Variants in FAR2 observed in about 807,000 individuals in gnomAD.
The protein encoded by FAR2 is epididymis secretory protein Li 81.
In FAR2, 19 loss-of-function variants were observed where a neutral mutation model predicts 56.0. That is an observed-to-expected ratio of 0.34 (90% CI 0.24 to 0.50). The LOEUF (loss-of-function observed/expected upper bound fraction) is 0.50. Among genes scored for constraint, FAR2 ranks in the 20% least tolerant of loss-of-function variants. The pLI is 0.98. For synonymous variants in FAR2, 219 were observed against 218.8 expected, an observed-to-expected ratio of 1.00 and a Z score of -0.01; for missense variants, 508 against 642.2, an observed-to-expected ratio of 0.79 and a Z score of 2.26.
At chr12:29,247,238 T>C (rs1948143030) in intron 1 of FAR2, among the ~76,000 whole-genome samples, 1 of 152,172 alleles carries the variant, frequency 6.6e-6, no homozygotes, top group South Asian at 2.1e-4. Flanking sequence ...AAATAATTAC[T>C]TGATATGTGG....
intron 10 of FAR2, among the ~76,000 whole-genome samples, chr12:29,326,639 C>T (rs1013416563): frequency 6.6e-6 from 1 of 152,144 alleles, no homozygotes; most frequent in African/African-American, 2.4e-5. Context: ...TAAACTGAAC[C>T]AAAGACATAA....
At chr12:29,200,208 C>T (rs1947389000) in intron 1 of FAR2, among the ~76,000 whole-genome samples, 1 of 152,086 alleles carries the variant, frequency 6.6e-6, no homozygotes, top group South Asian at 2.1e-4. Flanking sequence ...GCCAGAAAGT[C>T]ATTATAATGA....
intron 3 of FAR2, 78 bp downstream of exon 3, chr12:29,293,553 AG>A: frequency 7.8e-7 from 1 of 1,277,632 alleles, no homozygotes; most frequent in Non-Finnish European, 1.0e-6. Flanking sequence ...GTAAAAAAAA[AG>A]AAATACACTC....
chr12:29,325,959 A>C (rs559058524), intron 10 of FAR2, among the ~76,000 whole-genome samples: 5 of 152,344 alleles, frequency 3.3e-5, no homozygotes, highest in African/African-American at 1.2e-4. Context: ...CAGTGAATCC[A>C]GGAGCTGGTT....
chr12:29,244,800 C>T (rs942668495), intron 1 of FAR2, among the ~76,000 whole-genome samples: 1 of 152,160 alleles, frequency 6.6e-6, no homozygotes, highest in Non-Finnish European at 1.5e-5. Context: ...GGCTATACAA[C>T]AATGACTAAA....
At position 29,270,500 on chromosome 12, in the gene FAR2, G is replaced by T. The variant is rs1398616854; in HGVS notation, c.51G>T (p.Gly17=). ...GCGGCAAGTCCATTCTCATCACGGGGGCCACAGGCTTTCTGGGCAAAGTGC... is the reference window on the plus strand; with the variant it reads ...GCGGCAAGTCCATTCTCATCACGGGTGCCACAGGCTTTCTGGGCAAAGTGC... ...FYGGKSILIT[G]ATGFLGKVLM... Residue 17 remains glycine, a synonymous_variant, in exon 2 of 12, where the codon GGG becomes GGT. Transcript: ENST00000536681. 6.2e-7 allele frequency: 1 copy of T among 1,611,828 alleles called. No homozygotes were observed. The highest frequency in any genetic ancestry group is 2.2e-5 in the East Asian group (1 of 44,800).
intron 1 of FAR2, among the ~76,000 whole-genome samples, chr12:29,166,811 G>A (rs1310921910): frequency 6.6e-6 from 1 of 152,072 alleles, no homozygotes; most frequent in Non-Finnish European, 1.5e-5. Context: ...TTTACTTCCA[G>A]CTCTCTTAGT....
At chr12:29,186,564 C>T (rs1340850177) in intron 1 of FAR2, among the ~76,000 whole-genome samples, 1 of 152,088 alleles carries the variant, frequency 6.6e-6, no homozygotes, top group African/African-American at 2.4e-5. Context: ...GGATGAGTCA[C>T]TTGAGTATTT....
intron 1 of FAR2, among the ~76,000 whole-genome samples, chr12:29,238,837 A>G (rs772010408): frequency 2.0e-5 from 3 of 152,200 alleles, no homozygotes; most frequent in Non-Finnish European, 4.4e-5. Flanking sequence ...TTAGTTTTCT[A>G]TTGTTTTATA....
At chr12:29,163,559 A>G (rs886368601) in intron 1 of FAR2, among the ~76,000 whole-genome samples, 6 of 152,136 alleles carry the variant, frequency 3.9e-5, no homozygotes, top group African/African-American at 7.2e-5. Context: ...GTTCCTTTCC[A>G]CTCTCATGTC....
At chr12:29,331,210 CTT>C (rs34349053) in intron 10 of FAR2, among the ~76,000 whole-genome samples, 56 of 142,050 alleles carry the variant, frequency 3.9e-4, no homozygotes, top group South Asian at 4.5e-4. Flanking sequence ...TAAAGATAGG[CTT>C]TTTTTTTTTT....
At chr12:29,266,320 T>C (rs1456752645) in intron 1 of FAR2, among the ~76,000 whole-genome samples, 1 of 152,182 alleles carries the variant, frequency 6.6e-6, no homozygotes, top group Non-Finnish European at 1.5e-5. Flanking sequence ...TGGAGTACTA[T>C]TCAGCCATAA....
chr12:29,334,896 A>C lies in FAR2; in HGVS notation c.*1102A>C, dbSNP rs929187786. 1 of 152,176 alleles carries C rather than the reference A, an allele frequency of 6.6e-6. No individual in the cohort carries two copies. Among genetic ancestry groups the C allele is most frequent in the African/African-American group, 2.4e-5 (1 of 41,454 alleles). 9.4% of individuals were successfully genotyped at this position (152,176 alleles called of 1,614,324 possible). Reference sequence around the variant, plus strand: ...AGAAAATAGGTTTTGTTTTCTTAAAAAATTTTGTGTATAATACAAACTAAT... The same window carrying C: ...AGAAAATAGGTTTTGTTTTCTTAAACAATTTTGTGTATAATACAAACTAAT... On this transcript the variant is annotated 3_prime_UTR_variant, in exon 12 of 12. Transcript: ENST00000536681.
intron 1 of FAR2, among the ~76,000 whole-genome samples, chr12:29,202,408 T>A (rs1947427468): frequency 6.6e-6 from 1 of 152,246 alleles, no homozygotes; most frequent in Non-Finnish European, 1.5e-5. Flanking sequence ...GGACATTTAT[T>A]TAACAGATCA....
intron 1 of FAR2, among the ~76,000 whole-genome samples, chr12:29,152,574 T>G (rs1221308582): frequency 5.3e-5 from 8 of 152,376 alleles, no homozygotes; most frequent in Admixed American, 3.3e-4. Context: ...TAAGGTCTTC[T>G]AATGGCACTA....
chr12:29,271,823 C>T (rs114267006), intron 2 of FAR2, among the ~76,000 whole-genome samples: 2 of 152,084 alleles, frequency 1.3e-5, no homozygotes, highest in African/African-American at 4.8e-5. Flanking sequence ...TTTGCAATAA[C>T]CCTGTGAAGT....
At chr12:29,274,202 C>G (rs185081153) in intron 2 of FAR2, among the ~76,000 whole-genome samples, 1 of 108,626 alleles carries the variant, frequency 9.2e-6, no homozygotes, top group Non-Finnish European at 1.8e-5. Context: ...CCTCCCCCCA[C>G]CCCACAACAG....
At chr12:29,292,398 C>T (rs1038696269) in intron 2 of FAR2, 1 of 151,794 alleles carries the variant, frequency 6.6e-6, no homozygotes, top group African/African-American at 2.4e-5. Flanking sequence ...ATTCAGTTAC[C>T]AAAAAAGAGA....
chr12:29,246,896 G>A (rs1591887537), intron 1 of FAR2, among the ~76,000 whole-genome samples: 1 of 147,646 alleles, frequency 6.8e-6, no homozygotes, highest in East Asian at 2.0e-4. Context: ...TTCCTATGGA[G>A]ACAATTTTGG....
Sources: allele counts gnomAD v4.1 joint callset (sites outside exome capture counted in the v4.1 genomes callset), GRCh38; gene constraint gnomAD v4.1.1; transcripts MANE v1.5; gene names NCBI Gene and HGNC (gene_info 2026-07-23, HGNC 2026-07-21).